Variants in SGIP1 observed in about 807,000 individuals in gnomAD.
The protein encoded by SGIP1 is SH3-containing GRB2-like protein 3-interacting protein 1.
SGIP1 carries 38 observed loss-of-function variants against 107.5 expected under a neutral mutation model. That is an observed-to-expected ratio of 0.35 (90% confidence interval 0.27 to 0.46). The LOEUF (loss-of-function observed/expected upper bound fraction) is 0.46, where lower values mean the gene tolerates loss of function less well. Among genes scored for constraint, SGIP1 ranks in the 20% least tolerant of loss-of-function variants. The pLI, the probability that SGIP1 is intolerant of heterozygous loss-of-function variation, is 1.00. For missense variants in SGIP1, 929 were observed against 1,019.5 expected, an observed-to-expected ratio of 0.91 and a Z score of 1.21; for synonymous variants, 365 against 366.1, an observed-to-expected ratio of 1.00 and a Z score of 0.03.
intron 18 of SGIP1, among the ~76,000 whole-genome samples, chr1:66,699,101 T>G (rs1275768077): frequency 1.3e-5 from 2 of 152,026 alleles, no homozygotes; most frequent in East Asian, 3.9e-4. Flanking sequence ...AGTACCCTTT[T>G]CTACATTTCA....
intron 1 of SGIP1, among the ~76,000 whole-genome samples, chr1:66,555,222 A>G (rs949537802): frequency 2.0e-5 from 3 of 152,064 alleles, no homozygotes; most frequent in African/African-American, 4.8e-5. Flanking sequence ...TGCCCTCCTC[A>G]TATACATAGT....
intron 1 of SGIP1, among the ~76,000 whole-genome samples, chr1:66,586,955 G>C (rs1213221795): frequency 2.0e-5 from 3 of 151,996 alleles, no homozygotes; most frequent in African/African-American, 7.2e-5. Flanking sequence ...AGTAAATTCT[G>C]AGTTGATGGT....
chr1:66,668,406 G>T (rs1022557483), intron 9 of SGIP1, among the ~76,000 whole-genome samples: 1 of 152,104 alleles, frequency 6.6e-6, no homozygotes, highest in African/African-American at 2.4e-5. Context: ...AGCCAGGATG[G>T]TCTTAATCTC....
intron 15 of SGIP1, among the ~76,000 whole-genome samples, chr1:66,685,503 G>A (rs990177602): frequency 2.6e-5 from 4 of 152,170 alleles, no homozygotes; most frequent in African/African-American, 4.8e-5. Context: ...CTTGCACCAT[G>A]TTTGAGGGCC....
intron 21 of SGIP1, among the ~76,000 whole-genome samples, chr1:66,735,935 T>A (rs1337176917): frequency 1.3e-5 from 2 of 151,788 alleles, no homozygotes; most frequent in Non-Finnish European, 2.9e-5. Flanking sequence ...TAATTTTTTA[T>A]TAAATATGTT....
intron 1 of SGIP1, among the ~76,000 whole-genome samples, chr1:66,557,264 T>A (rs1162769297): frequency 6.6e-6 from 1 of 152,142 alleles, no homozygotes; most frequent in African/African-American, 2.4e-5. Context: ...TTTGTACAAA[T>A]GATTGTGACA....
intron 8 of SGIP1, among the ~76,000 whole-genome samples, chr1:66,663,765 A>G (rs928892052): frequency 2.6e-5 from 4 of 152,180 alleles, no homozygotes; most frequent in African/African-American, 9.6e-5. Context: ...GTCTTTTACT[A>G]GAAAAAAAAT....
chr1:66,610,732 C>A lies in SGIP1; in HGVS notation c.11-15115C>A, dbSNP rs893566761. On this transcript the variant is annotated intron_variant, in intron 1 of 24. Transcript: ENST00000371037. Reference sequence around the variant, plus strand: ...TAGTATAGATTTTTTTTTTTTAATTCCATCGATTTTAAGGATTATCCTGGG... The same window carrying A: ...TAGTATAGATTTTTTTTTTTTAATTACATCGATTTTAAGGATTATCCTGGG... 3.5e-5 allele frequency among the ~76,000 whole-genome samples: 5 copies of A among 142,154 alleles called. No homozygotes were observed. In the East Asian group the frequency reaches 1.0e-3, roughly 29 times the overall value. 93.3% of individuals were successfully genotyped at this position (142,154 alleles called of 152,430 possible). A position where few individuals can be genotyped will look rare whatever the true frequency, so the allele number is the denominator to read the frequency against.
chr1:66,679,543 A>C (rs2086188606), intron 13 of SGIP1, 135 bp from the exon 14 acceptor site: 9 of 903,724 alleles, frequency 1.0e-5, no homozygotes, highest in Non-Finnish European at 1.5e-5. Context: ...AACTTCAAAG[A>C]AGTAGACCAT....
rs2094521731 is a variant in SGIP1, at chr1:66,744,086, C to T, written c.*991C>T. The T allele has an allele frequency of 6.6e-6, 1 of 151,926 alleles. No individual in the cohort carries two copies. Among genetic ancestry groups the T allele is most frequent in the African/African-American group, 2.4e-5 (1 of 41,374 alleles). 9.4% of individuals were successfully genotyped at this position (151,926 alleles called of 1,614,324 possible). A position where few individuals can be genotyped will look rare whatever the true frequency, so the allele number is the denominator to read the frequency against. On this transcript the variant is annotated 3_prime_UTR_variant, in exon 25 of 25. Transcript: ENST00000371037. ...GATACCTCACGTCTTCCTCTTTACC[C>T]ACAGGAATCAAAACGCTGAGACTGA...
intron 1 of SGIP1, among the ~76,000 whole-genome samples, chr1:66,608,016 C>T (rs114998730): frequency 1.3e-5 from 2 of 152,222 alleles, no homozygotes; most frequent in African/African-American, 4.8e-5. Context: ...TTGTGTACCC[C>T]AGATGCCCAC....
intron 1 of SGIP1, among the ~76,000 whole-genome samples, chr1:66,592,117 C>T (rs566918207): frequency 6.6e-6 from 1 of 152,296 alleles, no homozygotes; most frequent in African/African-American, 2.4e-5. Context: ...CACTAATCCT[C>T]CTCAGCACAG....
intron 1 of SGIP1, among the ~76,000 whole-genome samples, chr1:66,572,920 C>T (rs1557930997): frequency 6.6e-6 from 1 of 151,964 alleles, no homozygotes. Flanking sequence ...ACAGGGTAAG[C>T]CTTGAAAATA....
intron 1 of SGIP1, among the ~76,000 whole-genome samples, chr1:66,591,602 T>G (rs1188062590): frequency 1.3e-5 from 2 of 152,162 alleles, no homozygotes; most frequent in Non-Finnish European, 2.9e-5. Flanking sequence ...CTGTGGGTGT[T>G]TCTCGTCAGG....
intron 1 of SGIP1, among the ~76,000 whole-genome samples, chr1:66,541,721 A>C (rs2054992828): frequency 6.6e-6 from 1 of 152,228 alleles, no homozygotes; most frequent in African/African-American, 2.4e-5. Context: ...TCTTCTCTTT[A>C]ACAAACAATT....
chr1:66,579,159 T>C (rs1262383464), intron 1 of SGIP1, among the ~76,000 whole-genome samples: 1 of 152,176 alleles, frequency 6.6e-6, no homozygotes, highest in African/African-American at 2.4e-5. Context: ...TTGTTATTGT[T>C]GCTGTTTATT....
rs574858463 is a variant in SGIP1 at position 66,687,815 on chromosome 1, A to C, written c.1316-1333A>C. On this transcript the variant is annotated intron_variant, in intron 15 of 24. Coordinates refer to ENST00000371037, the MANE Select transcript of SGIP1 (RefSeq NM_032291.4). ...AGAATACAGATGGTAGTGGTAGAGGAAGGTGGAGACAGAGAGGGAGCAGGG... is the reference window on the plus strand; with the variant it reads ...AGAATACAGATGGTAGTGGTAGAGGCAGGTGGAGACAGAGAGGGAGCAGGG... 2.0e-5 allele frequency among the ~76,000 whole-genome samples: 3 copies of C among 152,330 alleles called. No individual in the cohort carries two copies. In the East Asian group the frequency reaches 5.8e-4, roughly 29 times the overall value.
rs1177029792 is a variant in SGIP1, at chr1:66,748,771, T to C, written c.*5676T>C. The stretch of plus-strand genomic sequence containing the variant: ...ATATTCCAGTATTTTACAAATTGTG[T>C]TCTGGAAGATGTTCATTGTGGTCTG... On this transcript the variant is annotated 3_prime_UTR_variant, in exon 25 of 25. Coordinates refer to ENST00000371037, the MANE Select transcript of SGIP1 (RefSeq NM_032291.4). Among the ~76,000 whole-genome samples, 6 of 152,038 alleles carry C rather than the reference T, an allele frequency of 3.9e-5. No individual in the cohort carries two copies. Among genetic ancestry groups the C allele is most frequent in the African/African-American group, 1.4e-4 (6 of 41,436 alleles).
At chr1:66,617,198 C>T (rs2069555748) in intron 1 of SGIP1, among the ~76,000 whole-genome samples, 1 of 152,170 alleles carries the variant, frequency 6.6e-6, no homozygotes, top group East Asian at 1.9e-4. Context: ...TGAATGACTG[C>T]CTTGCACCAG....
Sources: gnomAD v4.1 joint callset for allele counts (sites outside exome capture counted in the v4.1 genomes callset) on GRCh38, gnomAD v4.1.1 for gene constraint, MANE v1.5 for transcripts, NCBI Gene and HGNC (gene_info 2026-07-23, HGNC 2026-07-21) for gene names.